Variants in LAMA3 observed in about 807,000 individuals in gnomAD.
LAMA3 encodes the protein laminin subunit alpha 3, also known as laminin subunit alpha-3.
In LAMA3, 281 loss-of-function variants were observed where a neutral mutation model predicts 402.0. The observed-to-expected ratio is 0.70, with a 90% CI of 0.63 to 0.77. The LOEUF (loss-of-function observed/expected upper bound fraction) is 0.77. Ranked by LOEUF, LAMA3 falls within the 30% of genes least tolerant of loss-of-function variation. The pLI, the probability that LAMA3 is intolerant of heterozygous loss-of-function variation, is 0.00. For missense variants in LAMA3, 3,840 were observed against 4,215.5 expected (o/e 0.91, Z 2.47); for synonymous variants, 1,431 against 1,558.4 (o/e 0.92, Z 1.93).
intron 12 of LAMA3, among the ~76,000 whole-genome samples, chr18:23,801,342 A>C (rs960741056): frequency 4.6e-5 from 7 of 152,166 alleles, no homozygotes; most frequent in African/African-American, 1.4e-4. Flanking sequence ...ACTACCTATC[A>C]GGTACTATGC....
intron 55 of LAMA3, 70 bp from the exon 56 acceptor site, chr18:23,912,641 A>G: frequency 1.5e-6 from 2 of 1,328,884 alleles, no homozygotes; most frequent in South Asian, 1.2e-5. Flanking sequence ...CGAGTCACAA[A>G]CTAGCTCTCT....
In LAMA3 at chr18:23,871,680, C is replaced by CGGG; in HGVS notation, c.4998+20_4998+21insGGG. 6.4e-7 allele frequency: 1 copy of CGGG among 1,569,050 alleles called. No individual in the cohort carries two copies. The highest frequency in any genetic ancestry group is 1.3e-5 in the African/African-American group (1 of 74,264). On this transcript the variant is annotated intron_variant, in intron 38 of 74. Transcript: ENST00000313654. Reference sequence around the variant, plus strand: ...TTGTCAGGTAGGAAGTTTTCCCATCCGCAACATTTCCCTAGGGAGCTCCTG... The same window carrying CGGG: ...TTGTCAGGTAGGAAGTTTTCCCATCCGGGGCAACATTTCCCTAGGGAGCTCCTG...
chr18:23,739,107 C>T (rs2061522880), intron 2 of LAMA3, among the ~76,000 whole-genome samples: 1 of 152,206 alleles, frequency 6.6e-6, no homozygotes, highest in African/African-American at 2.4e-5. Context: ...GCCTCCTAAT[C>T]CTGGAACTGT....
At chr18:23,835,065 G>C (rs2063555994) in intron 24 of LAMA3, among the ~76,000 whole-genome samples, 1 of 152,238 alleles carries the variant, frequency 6.6e-6, no homozygotes, top group Admixed American at 6.5e-5. Flanking sequence ...ATTATCTGAA[G>C]ATATGAGCGG....
At chr18:23,844,982 T>C in intron 29 of LAMA3, 27 bp from the exon 30 acceptor site, 1 of 1,279,712 alleles carries the variant, frequency 7.8e-7, no homozygotes. Context: ...TTGGAAATTC[T>C]AAGACATGCT....
Position 23,909,155 on chromosome 18 carries a change from A to G in LAMA3, c.7018A>G (p.Asn2340Asp), listed in dbSNP as rs1473997670. ...KALTDADNSVNKLTNKLPDLW... is the reference protein window; with the variant it reads ...KALTDADNSVDKLTNKLPDLW... Reference sequence around the variant, plus strand: ...TCTATTTTTTTTCTCACCAACAGTGAATAAGTTAACCAACAAACTACCTGA... The same window carrying G: ...TCTATTTTTTTTCTCACCAACAGTGGATAAGTTAACCAACAAACTACCTGA... Residue 2340 changes from asparagine (N) to aspartate (D), a missense_variant and splice_region_variant, in exon 55 of 75, where the codon AAT becomes GAT. Asn to Asp is a conservative substitution (Grantham distance 23). Coordinates refer to ENST00000313654, the MANE Select transcript of LAMA3 (RefSeq NM_198129.4). 2 of 1,613,916 alleles carry G rather than the reference A, an allele frequency of 1.2e-6. No individual in the cohort carries two copies. Among genetic ancestry groups the G allele is most frequent in the Admixed American group, 3.3e-5 (2 of 60,020 alleles).
intron 11 of LAMA3, among the ~76,000 whole-genome samples, chr18:23,779,097 A>G (rs1454434453): frequency 2.0e-5 from 3 of 152,090 alleles, no homozygotes; most frequent in African/African-American, 4.8e-5. Context: ...GTGAAAGTGG[A>G]GTGAGGGAAG....
At position 23,895,076 on chromosome 18, in the gene LAMA3, G is replaced by A. The variant is rs757983537; in HGVS notation, c.5613+18G>A. 28 of 1,575,792 alleles carry A rather than the reference G, an allele frequency of 1.8e-5. No individual in the cohort carries two copies. The highest frequency in any genetic ancestry group is 2.3e-5 in the East Asian group (1 of 42,760). ...ACCTGAGGGTAAATCCCCTGCGGCC[G>A]AGAGTAGACACGTGGGGAGGAGATG... On this transcript the variant is annotated intron_variant, in intron 44 of 74. Coordinates refer to ENST00000313654, the MANE Select transcript of LAMA3 (RefSeq NM_198129.4).
intron 34 of LAMA3, among the ~76,000 whole-genome samples, chr18:23,860,783 TC>T (rs1264260873): frequency 6.7e-6 from 1 of 148,948 alleles, no homozygotes; most frequent in Non-Finnish European, 1.5e-5. Flanking sequence ...AACCTCTGCC[TC>T]CCGGGTTCAA....
In LAMA3 at chr18:23,898,981, A is replaced by G. The variant is rs2080971120; in HGVS notation, c.5752A>G (p.Thr1918Ala). 6.2e-7 allele frequency: 1 copy of G among 1,614,036 alleles called. No individual in the cohort carries two copies. Among genetic ancestry groups the G allele is most frequent in the Non-Finnish European group, 8.5e-7 (1 of 1,179,916 alleles). The change falls in exon 46 of 75, where the codon ACA (threonine) becomes GCA (alanine). Residue 1918 changes from threonine (T) to alanine (A), a missense_variant. This residue lies in a region of LAMA3 where 891 missense variants were observed against 857.5 expected (regional missense o/e 1.04). Coordinates refer to ENST00000313654, the MANE Select transcript of LAMA3 (RefSeq NM_198129.4). ...KAQVNSRKAQ[T>A]LNNNVNRATQ... ...TCAAGTAAATTCCAGAAAAGCACAA[A>G]CATTAAACAACAATGTTAATCGGGC...
intron 10 of LAMA3, 69 bp downstream of exon 10, chr18:23,775,992 T>G (rs2062309953): frequency 6.6e-7 from 1 of 1,521,736 alleles, no homozygotes; most frequent in Non-Finnish European, 9.1e-7. Flanking sequence ...CACTAACCTC[T>G]GAGGCATGGT....
intron 6 of LAMA3, among the ~76,000 whole-genome samples, chr18:23,755,138 G>C (rs966326366): frequency 6.6e-6 from 1 of 152,210 alleles, no homozygotes; most frequent in Non-Finnish European, 1.5e-5. Context: ...CTAGAAATCA[G>C]GTCACATAAG....
chr18:23,860,771 G>A (rs975508742), intron 34 of LAMA3, among the ~76,000 whole-genome samples: 1 of 145,900 alleles, frequency 6.9e-6, no homozygotes, highest in African/African-American at 2.6e-5. Flanking sequence ...TTGGCTCACT[G>A]CAACCTCTGC....
intron 44 of LAMA3, among the ~76,000 whole-genome samples, chr18:23,897,479 C>T (rs1356930870): frequency 6.6e-6 from 1 of 152,224 alleles, no homozygotes; most frequent in Admixed American, 6.5e-5. Flanking sequence ...CACCATTCTG[C>T]ACACACGCTG....
At chr18:23,718,441 T>C (rs957244450) in intron 2 of LAMA3, among the ~76,000 whole-genome samples, 11 of 152,208 alleles carry the variant, frequency 7.2e-5, no homozygotes, top group Non-Finnish European at 1.5e-4. Context: ...ATTTTGAGGC[T>C]TGTATGCAAT....
At position 23,942,374 on chromosome 18, in the gene LAMA3, C is replaced by T. The variant is rs2082553446; in HGVS notation, c.9027-1414C>T. On this transcript the variant is annotated intron_variant, in intron 68 of 74. Coordinates refer to ENST00000313654, the MANE Select transcript of LAMA3 (RefSeq NM_198129.4). Reference sequence around the variant, plus strand: ...GCATCCCTCTCAGGGCACCCCTGCACCATAAACCACTCAAGGAAGGAAACA... The same window carrying T: ...GCATCCCTCTCAGGGCACCCCTGCATCATAAACCACTCAAGGAAGGAAACA... Among the ~76,000 whole-genome samples the T allele has an allele frequency of 2.0e-5, 3 of 152,166 alleles. No individual in the cohort carries two copies. The South Asian group carries it at 6.2e-4, about 32-fold the overall frequency.
rs750628054 is a variant in LAMA3, at chr18:23,890,929, C to T, written c.5410+812C>T. On this transcript the variant is annotated intron_variant, in intron 42 of 74. Transcript: ENST00000313654. ...TGGAAATATAGAAAGCATGCCTACC[C>T]ATTTATCAGATGACACAAAGTTGGG... is the stretch of plus-strand genomic sequence containing the variant. Among the ~76,000 whole-genome samples, 50 of 152,314 alleles carry T rather than the reference C, an allele frequency of 3.3e-4. 2 individuals are homozygous for T. The highest frequency in any genetic ancestry group is 3.4e-3 in the Middle Eastern group (1 of 294).
At chr18:23,813,251 T>A (rs1015728572) in intron 14 of LAMA3, 148 bp downstream of exon 14, 1 of 619,472 alleles carries the variant, frequency 1.6e-6, no homozygotes, top group Non-Finnish European at 2.8e-6. Context: ...TCAAAGAGCA[T>A]ATGTGATTTT....
rs557125963 is a variant in LAMA3, at chr18:23,790,690, TC to T, written c.1603+6534del. On this transcript the variant is annotated intron_variant, in intron 12 of 74. Coordinates refer to ENST00000313654, the MANE Select transcript of LAMA3 (RefSeq NM_198129.4). ...CTCTCATTCAGCTAGAAACTGTTGCTCAGTAAATTGCAGCAATAATCTGATG... is the reference window on the plus strand; with the variant it reads ...CTCTCATTCAGCTAGAAACTGTTGCTAGTAAATTGCAGCAATAATCTGATG... Among the ~76,000 whole-genome samples, 156 of 152,320 alleles carry T rather than the reference TC, an allele frequency of 1.0e-3. No individual in the cohort carries two copies. The Middle Eastern group carries it at 0.014, about 13-fold the overall frequency.
Sources: allele counts gnomAD v4.1 joint callset (sites outside exome capture counted in the v4.1 genomes callset), GRCh38; gene constraint gnomAD v4.1.1; regional missense constraint gnomAD v4.1.1; transcripts MANE v1.5; gene names NCBI Gene and HGNC (gene_info 2026-07-23, HGNC 2026-07-21).